PLCH1: variants seen among roughly 807,000 people sequenced by gnomAD.
PLCH1 encodes the protein 1-phosphatidylinositol 4,5-bisphosphate phosphodiesterase eta-1.
A neutral mutation model predicts 126.7 loss-of-function variants in PLCH1; 60 were observed. The ratio of observed to expected loss-of-function variants is 0.47; its 90% CI spans 0.38 to 0.59. The LOEUF is 0.59. Among genes scored for constraint, PLCH1 ranks in the 20% least tolerant of loss-of-function variants. The pLI, the probability that PLCH1 is intolerant of heterozygous loss-of-function variation, is 0.00. For missense variants in PLCH1, 1,723 were observed against 2,040.0 expected (o/e 0.84, Z 2.99); for synonymous variants, 719 against 734.9 (o/e 0.98, Z 0.35).
chr3:155,626,613 C>CA (rs1427628378), intron 2 of PLCH1, among the ~76,000 whole-genome samples: 2 of 151,114 alleles, frequency 1.3e-5, no homozygotes, highest in East Asian at 3.9e-4. Flanking sequence ...ACTAAAAATA[C>CA]AAAAAATTAG....
chr3:155,543,885 G>A (rs1011617250), intron 10 of PLCH1, among the ~76,000 whole-genome samples: 84 of 152,030 alleles, frequency 5.5e-4, no homozygotes, highest in African/African-American at 1.9e-3. Context: ...GCTCCTGAAG[G>A]AAGCGCTAAA....
chr3:155,470,617 A>T (rs557117806), intron 21 of PLCH1, among the ~76,000 whole-genome samples: 1 of 152,280 alleles, frequency 6.6e-6, no homozygotes, highest in South Asian at 2.1e-4. Context: ...TCCAAGACAC[A>T]TAATTGTCAG....
chr3:155,506,345 C>CTTTTTTTT (rs57746252), intron 12 of PLCH1, among the ~76,000 whole-genome samples: 2 of 130,704 alleles, frequency 1.5e-5, no homozygotes, highest in African/African-American at 5.9e-5. Flanking sequence ...TTCTCACTCT[C>CTTTTTTTT]TTTTTTTTTT....
intron 10 of PLCH1, among the ~76,000 whole-genome samples, chr3:155,533,990 G>C (rs1723020100): frequency 6.6e-6 from 1 of 152,242 alleles, no homozygotes; most frequent in Non-Finnish European, 1.5e-5. Flanking sequence ...CTAGGCAGAA[G>C]TATGCTACAG....
At chr3:155,722,485 T>A (rs1415884665) in intron 1 of PLCH1, among the ~76,000 whole-genome samples, 1 of 152,182 alleles carries the variant, frequency 6.6e-6, no homozygotes, top group Non-Finnish European at 1.5e-5. Context: ...ATTACCTTAA[T>A]GTATGTCCCT....
At chr3:155,641,708 T>C (rs181454909) in intron 2 of PLCH1, among the ~76,000 whole-genome samples, 8 of 152,188 alleles carry the variant, frequency 5.3e-5, no homozygotes, top group African/African-American at 1.9e-4. Flanking sequence ...ACCCCATAAA[T>C]ATGTACAACT....
At chr3:155,727,817 G>A (rs1016435500) in intron 1 of PLCH1, among the ~76,000 whole-genome samples, 14 of 149,270 alleles carry the variant, frequency 9.4e-5, no homozygotes, top group Non-Finnish European at 2.1e-4. Flanking sequence ...CAAGAAATCA[G>A]GCACCTGCTC....
At chr3:155,522,732 G>A (rs1007638337) in intron 11 of PLCH1, among the ~76,000 whole-genome samples, 1 of 149,318 alleles carries the variant, frequency 6.7e-6, no homozygotes, top group African/African-American at 2.5e-5. Context: ...TTTTTTTAGA[G>A]GGTAGAATCA....
chr3:155,530,394 G>T (rs1025553229), intron 10 of PLCH1, among the ~76,000 whole-genome samples: 1 of 150,094 alleles, frequency 6.7e-6, no homozygotes, highest in Admixed American at 6.7e-5. Context: ...GGTGCGATCT[G>T]CAAGCTCCGC....
chr3:155,604,998 A>C (rs1734176290), intron 2 of PLCH1, among the ~76,000 whole-genome samples: 1 of 152,176 alleles, frequency 6.6e-6, no homozygotes. Context: ...ACGGCATTCC[A>C]CTGGATAAAA....
intron 7 of PLCH1, among the ~76,000 whole-genome samples, chr3:155,566,472 G>A (rs1728559718): frequency 6.6e-6 from 1 of 151,376 alleles, no homozygotes; most frequent in African/African-American, 2.4e-5. Flanking sequence ...TGCTTATGCA[G>A]TGTGACTGAT....
At chr3:155,720,392 AT>A (rs1228759641) in intron 1 of PLCH1, among the ~76,000 whole-genome samples, 15 of 151,870 alleles carry the variant, frequency 9.9e-5, no homozygotes, top group Admixed American at 9.2e-4. Context: ...TTATTTTTTT[AT>A]TTTTTTATTA....
At chr3:155,579,468 A>ATG (rs1401647559) in intron 6 of PLCH1, among the ~76,000 whole-genome samples, 2 of 152,246 alleles carry the variant, frequency 1.3e-5, no homozygotes, top group Admixed American at 1.3e-4. Context: ...TGAAAAGTTA[A>ATG]TGTGATCAAG....
In PLCH1 at chr3:155,633,412, TCACACACACACACACACA is replaced by T. The variant is rs59152066; in HGVS notation, c.80-37052_80-37035del. 5.1e-3 allele frequency among the ~76,000 whole-genome samples: 729 copies of T among 142,444 alleles called. 8 individuals are homozygous for T. The highest frequency in any genetic ancestry group is 0.018 in the African/African-American group (694 of 38,648). The allele number at this position is 142,444 out of a possible 152,430, so 93.4% of individuals were successfully genotyped here. A position where few individuals can be genotyped will look rare whatever the true frequency, so the allele number is the denominator to read the frequency against. On this transcript the variant is annotated intron_variant, in intron 2 of 22. Transcript: ENST00000460012. ...TTCTTTCAGCACTTATTATATAACA[TCACACACACACACACACA>T]CACACACACACACACACAAACATAA... is the stretch of plus-strand genomic sequence containing the variant.
At chr3:155,708,842 AC>A (rs2109097276) in intron 1 of PLCH1, among the ~76,000 whole-genome samples, 1 of 152,292 alleles carries the variant, frequency 6.6e-6, no homozygotes, top group Non-Finnish European at 1.5e-5. Flanking sequence ...TATAAATAGA[AC>A]CTGCAGATTT....
intron 21 of PLCH1, among the ~76,000 whole-genome samples, chr3:155,459,776 T>C (rs13080233): frequency 0.29 from 44,642 of 151,964 alleles, 7,500 homozygotes; most frequent in African/African-American, 0.45. Context: ...GTAATGACCA[T>C]AATGAGCAGC....
intron 2 of PLCH1, among the ~76,000 whole-genome samples, chr3:155,602,151 T>C (rs922666480): frequency 6.6e-6 from 1 of 152,112 alleles, no homozygotes; most frequent in Non-Finnish European, 1.5e-5. Flanking sequence ...TAAAAGATAA[T>C]GAGGAAGATC....
At chr3:155,495,275 A>G (rs1344665390) in intron 15 of PLCH1, among the ~76,000 whole-genome samples, 1 of 152,182 alleles carries the variant, frequency 6.6e-6, no homozygotes, top group Non-Finnish European at 1.5e-5. Context: ...GGAGGGGTCA[A>G]TCTAGACTCA....
downstream of PLCH1, among the ~76,000 whole-genome samples, chr3:155,479,355 A>T (rs999918921): frequency 5.3e-5 from 8 of 152,158 alleles, no homozygotes; most frequent in Admixed American, 1.3e-4. Context: ...TCATCATTAC[A>T]CATCAGCCCC....
Sources: allele counts gnomAD v4.1 joint callset (sites outside exome capture counted in the v4.1 genomes callset), GRCh38; gene constraint gnomAD v4.1.1; transcripts MANE v1.5; gene names NCBI Gene and HGNC (gene_info 2026-07-23, HGNC 2026-07-21).